EVL: variants seen among roughly 807,000 people sequenced by gnomAD.
EVL encodes ena/VASP-like protein.
A neutral mutation model predicts 59.6 loss-of-function variants in EVL; 21 were observed. That is an observed-to-expected ratio of 0.35 (90% CI 0.25 to 0.51). EVL has a LOEUF of 0.51. Among genes scored for constraint, EVL ranks in the 20% least tolerant of loss-of-function variants. The pLI, the probability that EVL is intolerant of heterozygous loss-of-function variation, is 0.97. For missense variants in EVL, 462 were observed against 546.6 expected (o/e 0.85, Z 1.54); for synonymous variants, 198 against 203.5 (o/e 0.97, Z 0.23).
chr14:100,067,155 G>T (rs1298576699), intron 1 of EVL, among the ~76,000 whole-genome samples: 1 of 152,190 alleles, frequency 6.6e-6, no homozygotes. Context: ...CAGGTCCCTG[G>T]CCTGGCACCA....
intron 1 of EVL, among the ~76,000 whole-genome samples, chr14:100,055,310 A>G (rs563993223): frequency 2.0e-5 from 3 of 151,926 alleles, no homozygotes; most frequent in African/African-American, 7.3e-5. Context: ...TTCTCTGCGC[A>G]TAATGTTTTC....
At chr14:100,070,650 G>T (rs931248290) in intron 1 of EVL, among the ~76,000 whole-genome samples, 2 of 152,360 alleles carry the variant, frequency 1.3e-5, no homozygotes, top group Non-Finnish European at 2.9e-5. Flanking sequence ...AAATAGCACA[G>T]AGTCCAAGTG....
At chr14:100,018,748 C>T (rs544645288) in intron 1 of EVL, among the ~76,000 whole-genome samples, 6 of 152,292 alleles carry the variant, frequency 3.9e-5, no homozygotes, top group African/African-American at 1.4e-4. Flanking sequence ...TTGAGATCTG[C>T]CTTGCTTATT....
chr14:100,105,513 A>G (rs978434598), intron 3 of EVL, among the ~76,000 whole-genome samples: 2 of 151,584 alleles, frequency 1.3e-5, no homozygotes, highest in African/African-American at 4.8e-5. Context: ...TTGCCAGGCA[A>G]GGCGCCCTTC....
intron 11 of EVL, chr14:100,139,696 G>A (rs1889040440): frequency 6.6e-6 from 1 of 152,296 alleles, no homozygotes; most frequent in Non-Finnish European, 1.5e-5. Context: ...GGTCCTCAGT[G>A]TCACCAGATG....
intron 1 of EVL, among the ~76,000 whole-genome samples, chr14:100,070,555 C>G (rs142675917): frequency 6.6e-6 from 1 of 152,214 alleles, no homozygotes; most frequent in Non-Finnish European, 1.5e-5. Flanking sequence ...GATGCTCTGT[C>G]GGCTCAGGAT....
chr14:100,008,619 TG>T (rs1233438356), intron 1 of EVL, among the ~76,000 whole-genome samples: 1 of 152,194 alleles, frequency 6.6e-6, no homozygotes, highest in Non-Finnish European at 1.5e-5. Flanking sequence ...TTGAATGGCT[TG>T]AGAAGGAGGC....
At chr14:99,979,685 T>C (rs1467444807) in intron 1 of EVL, among the ~76,000 whole-genome samples, 1 of 151,944 alleles carries the variant, frequency 6.6e-6, no homozygotes, top group Non-Finnish European at 1.5e-5. Flanking sequence ...CTGGCTAATA[T>C]GGTGAAACCC....
intron 1 of EVL, among the ~76,000 whole-genome samples, chr14:100,027,462 A>G (rs1555413842): frequency 4.0e-5 from 6 of 150,888 alleles, no homozygotes; most frequent in Non-Finnish European, 8.9e-5. Flanking sequence ...CATGACTTCA[A>G]TTTTTTTTTA....
chr14:100,002,441 C>A (rs542733626), intron 1 of EVL, among the ~76,000 whole-genome samples: 1 of 152,188 alleles, frequency 6.6e-6, no homozygotes, highest in East Asian at 1.9e-4. Flanking sequence ...TTTAACATAA[C>A]AATTATAATT....
At position 100,055,027 on chromosome 14, in the gene EVL, C is replaced by T. The variant is rs556201188; in HGVS notation, c.6-29660C>T. Among the ~76,000 whole-genome samples the T allele has an allele frequency of 1.3e-4, 20 of 152,014 alleles. No individual in the cohort carries two copies. The South Asian group carries it at 4.2e-3, about 32-fold the overall frequency. On this transcript the variant is annotated intron_variant, in intron 1 of 13. Transcript: ENST00000402714. ...ACCAGCCTGACCAAAATGGTGAAACCCCGTCTCTACTGAAAATACGAATTA... is the reference window on the plus strand; with the variant it reads ...ACCAGCCTGACCAAAATGGTGAAACTCCGTCTCTACTGAAAATACGAATTA...
chr14:100,094,358 C>G (rs117539910), intron 2 of EVL, among the ~76,000 whole-genome samples: 1 of 152,256 alleles, frequency 6.6e-6, no homozygotes, highest in South Asian at 2.1e-4. Context: ...ATTTCCCCCC[C>G]AAGAGCCACT....
intron 1 of EVL, among the ~76,000 whole-genome samples, chr14:100,058,098 A>T (rs2061763100): frequency 6.6e-6 from 1 of 152,220 alleles, no homozygotes; most frequent in Non-Finnish European, 1.5e-5. Flanking sequence ...CAGAAAAGAA[A>T]ACTAAAATCC....
Position 100,109,976 on chromosome 14 carries a change from GGTT to G in EVL, c.358+12324_358+12326del, listed in dbSNP as rs1886854076. ...TGGCTGAATCAGACTCACCTCACAG[GGTT>G]GTTGTGAGGGTACCATGAGATGATG... On this transcript the variant is annotated intron_variant, in intron 3 of 13. Transcript: ENST00000392920. The surrounding 1 kb of genome is among the most constrained non-coding windows in gnomAD (Gnocchi z 4.3). 1.3e-5 allele frequency among the ~76,000 whole-genome samples: 2 copies of G among 152,332 alleles called. No individual in the cohort carries two copies. The highest frequency in any genetic ancestry group is 4.1e-4 in the South Asian group (2 of 4,834).
At chr14:100,126,865 TG>T (rs1321530981) in intron 5 of EVL, 94 bp downstream of exon 5, 2 of 1,232,652 alleles carry the variant, frequency 1.6e-6, no homozygotes, top group Non-Finnish European at 2.3e-6. Context: ...CGGGGCGCTC[TG>T]TGAGCAGCTA....
intron 13 of EVL, among the ~76,000 whole-genome samples, chr14:100,143,130 C>T (rs1019161188): frequency 8.6e-5 from 13 of 151,962 alleles, no homozygotes; most frequent in Admixed American, 5.2e-4. Flanking sequence ...TTTGGGAGGC[C>T]GGGGGTTGGA....
intron 1 of EVL, among the ~76,000 whole-genome samples, chr14:100,001,257 T>C (rs947098250): frequency 1.3e-5 from 2 of 151,880 alleles, no homozygotes; most frequent in South Asian, 4.2e-4. Flanking sequence ...TGATTTCAAA[T>C]TAGGAAAAAA....
At chr14:100,143,596 A>G (rs1889334166) in intron 13 of EVL, 105 bp from the exon 14 acceptor site, 2 of 1,382,264 alleles carry the variant, frequency 1.4e-6, no homozygotes, top group Admixed American at 1.8e-5. Flanking sequence ...GAGATGGAAC[A>G]GGGACACATA....
At chr14:100,045,924 A>G (rs1233073532) in intron 1 of EVL, among the ~76,000 whole-genome samples, 2 of 152,150 alleles carry the variant, frequency 1.3e-5, no homozygotes, top group African/African-American at 4.8e-5. Flanking sequence ...CCTGCATCTC[A>G]TGAAAGCCAG....
Sources: gnomAD v4.1 joint callset for allele counts (sites outside exome capture counted in the v4.1 genomes callset) on GRCh38, gnomAD v4.1.1 for gene constraint, Gnocchi (gnomAD v3.1) non-coding constraint, MANE v1.5 for transcripts, NCBI Gene and HGNC (gene_info 2026-07-23, HGNC 2026-07-21) for gene names.